The following BDP1 variants were observed in gnomAD, a reference collection of about 807,000 sequenced individuals.
BDP1 encodes BDP1 general transcription factor IIIB subunit, also known as transcription factor TFIIIB component B'' homolog.
In BDP1, 169 loss-of-function variants were observed where a neutral mutation model predicts 266.6. The ratio of observed to expected loss-of-function variants is 0.63; its 90% CI spans 0.56 to 0.72. The LOEUF (loss-of-function observed/expected upper bound fraction) is 0.72. BDP1 is among the 30% of genes least tolerant of loss of function. The probability of loss-of-function intolerance (pLI) is 0.00; values close to 1 mark genes in which losing one functional copy is unlikely to be tolerated. For missense variants in BDP1, 3,015 were observed against 3,053.8 expected (o/e 0.99, Z 0.30); for synonymous variants, 1,090 against 1,022.4 (o/e 1.07, Z -1.26).
intron 22 of BDP1, among the ~76,000 whole-genome samples, chr5:71,517,932 G>A (rs1036670348): frequency 6.6e-6 from 1 of 151,992 alleles, no homozygotes; most frequent in Non-Finnish European, 1.5e-5. Flanking sequence ...AAGAAAAGAA[G>A]TTTATAACCT....
intron 25 of BDP1, 32 bp from the exon 26 acceptor site, chr5:71,532,276 C>A (rs756143165): frequency 1.2e-6 from 2 of 1,602,664 alleles, no homozygotes; most frequent in East Asian, 2.2e-5. Context: ...TATAATATGC[C>A]AAAATGAAAT....
chr5:71,506,829 A>AT (rs1415116759), intron 16 of BDP1, among the ~76,000 whole-genome samples: 4 of 127,390 alleles, frequency 3.1e-5, no homozygotes, highest in South Asian at 2.6e-4. Context: ...ACACACCCAT[A>AT]TTTTTTTAAA....
chr5:71,534,454 C>G (rs2150544302), intron 26 of BDP1, among the ~76,000 whole-genome samples: 2 of 152,252 alleles, frequency 1.3e-5, no homozygotes, highest in South Asian at 4.2e-4. Context: ...TGTCTGTTCT[C>G]ATGCTGGTGA....
At chr5:71,553,649 CCT>C (rs1291286949) in intron 35 of BDP1, among the ~76,000 whole-genome samples, 3 of 152,090 alleles carry the variant, frequency 2.0e-5, no homozygotes, top group African/African-American at 4.8e-5. Flanking sequence ...AGATACTTCA[CCT>C]CTCTCTCTGA....
chr5:71,568,578 C>T (rs1214565021), downstream of BDP1, among the ~76,000 whole-genome samples: 1 of 152,152 alleles, frequency 6.6e-6, no homozygotes, highest in East Asian at 1.9e-4. Flanking sequence ...GAGCAATCCT[C>T]CCAGGTAGGT....
Position 71,502,806 on chromosome 5 carries a change from T to A in BDP1, c.2241+15T>A. 6.2e-7 allele frequency: 1 copy of A among 1,600,246 alleles called. No homozygotes were observed. The highest frequency in any genetic ancestry group is 8.5e-7 in the Non-Finnish European group (1 of 1,173,278). ...CTGATAGAGATGTAAGTACTCTGAT[T>A]CCTCCTCACATTTTTGGTAAGCAAG... On this transcript the variant is annotated intron_variant, in intron 15 of 38. Transcript: ENST00000358731.
intron 11 of BDP1, among the ~76,000 whole-genome samples, chr5:71,492,629 T>C (rs985423688): frequency 6.6e-6 from 1 of 152,178 alleles, no homozygotes; most frequent in African/African-American, 2.4e-5. Flanking sequence ...TTTATATAGT[T>C]TGGATTTTAG....
rs1396516935 is a variant in BDP1 at position 71,522,835 on chromosome 5, A to G, written c.5273A>G (p.Lys1758Arg). The change falls in exon 24 of 39, where the codon AAA becomes AGA. Residue 1758 changes from lysine (K) to arginine (R), a missense_variant. By Grantham distance (26) the Lys-to-Arg change is conservative. This residue lies in a region of BDP1 where 2,383 missense variants were observed against 2,404.9 expected (regional missense o/e 0.99). Coordinates refer to ENST00000358731, the MANE Select transcript of BDP1 (RefSeq NM_018429.3). ...GGTTCCAAAGAGTCTGCTTTGGCAAAAATAGATGCGGAATTAGAAGAAGTT... is the reference window on the plus strand; with the variant it reads ...GGTTCCAAAGAGTCTGCTTTGGCAAGAATAGATGCGGAATTAGAAGAAGTT... Reference protein sequence around the residue: ...CVGSKESALAKIDAELEEVGP... With the variant: ...CVGSKESALARIDAELEEVGP... The G allele has an allele frequency of 6.2e-7, 1 of 1,613,930 alleles. No individual in the cohort carries two copies. The highest frequency in any genetic ancestry group is 8.5e-7 in the Non-Finnish European group (1 of 1,179,956).
At chr5:71,468,089 G>T (rs1469791744) in intron 6 of BDP1, among the ~76,000 whole-genome samples, 1 of 152,072 alleles carries the variant, frequency 6.6e-6, no homozygotes, top group Non-Finnish European at 1.5e-5. Flanking sequence ...CACGATCTCG[G>T]CTCACTGCAA....
At chr5:71,517,539 T>G in intron 22 of BDP1, 87 bp downstream of exon 22, 1 of 1,148,750 alleles carries the variant, frequency 8.7e-7, no homozygotes, top group Non-Finnish European at 1.2e-6. Flanking sequence ...ATTAATAACT[T>G]CACATCCTGA....
At chr5:71,560,897 A>G (rs565367455) in intron 37 of BDP1, among the ~76,000 whole-genome samples, 1 of 152,328 alleles carries the variant, frequency 6.6e-6, no homozygotes, top group South Asian at 2.1e-4. Context: ...TTTGTTATCT[A>G]AATTATAGAA....
chr5:71,550,651 T>G (rs1279546893), intron 34 of BDP1, among the ~76,000 whole-genome samples: 2 of 152,170 alleles, frequency 1.3e-5, no homozygotes, highest in Non-Finnish European at 2.9e-5. Context: ...AAGTTATATC[T>G]TAACTACCAT....
chr5:71,489,723 A>T, intron 10 of BDP1, 41 bp downstream of exon 10: 1 of 1,526,358 alleles, frequency 6.6e-7, no homozygotes, highest in Non-Finnish European at 8.8e-7. Context: ...ATATTACTTG[A>T]GAAGACATGT....
chr5:71,537,149 C>CAAAAAACAA (rs1766661805), intron 26 of BDP1, among the ~76,000 whole-genome samples: 1 of 82,446 alleles, frequency 1.2e-5, no homozygotes, highest in Non-Finnish European at 2.2e-5. Context: ...ACCAAAAAAC[C>CAAAAAACAA]AAAAAAAAAA....
chr5:71,489,705 A>C, intron 10 of BDP1, 23 bp downstream of exon 10: 1 of 1,574,070 alleles, frequency 6.4e-7, no homozygotes, highest in Non-Finnish European at 8.6e-7. Flanking sequence ...CATATTTAAA[A>C]AGCCTCTATA....
At chr5:71,501,508 A>G in intron 13 of BDP1, 54 bp from the exon 14 acceptor site, 3 of 1,104,064 alleles carry the variant, frequency 2.7e-6, no homozygotes, top group South Asian at 2.6e-5. Flanking sequence ...TGTTTATTAC[A>G]AAGTTTGAAC....
intron 25 of BDP1, among the ~76,000 whole-genome samples, chr5:71,531,706 G>A (rs189410366): frequency 2.0e-4 from 30 of 151,818 alleles, no homozygotes; most frequent in African/African-American, 6.8e-4. Context: ...ATGGGGCTTC[G>A]CTGTGTTGGC....
intron 7 of BDP1, among the ~76,000 whole-genome samples, chr5:71,473,786 G>C (rs974913195): frequency 2.0e-5 from 3 of 151,728 alleles, no homozygotes; most frequent in Admixed American, 1.3e-4. Context: ...CCATTGACTC[G>C]TCATTTAACA....
chr5:71,570,406 G>C (rs1192036459), downstream of BDP1, among the ~76,000 whole-genome samples: 4 of 152,056 alleles, frequency 2.6e-5, no homozygotes, highest in East Asian at 7.7e-4. Context: ...TCAGTCAAGG[G>C]ACTTTGGGTC....
Sources: allele counts gnomAD v4.1 joint callset (sites outside exome capture counted in the v4.1 genomes callset), GRCh38; gene constraint gnomAD v4.1.1; regional missense constraint gnomAD v4.1.1; transcripts MANE v1.5; gene names NCBI Gene and HGNC (gene_info 2026-07-23, HGNC 2026-07-21).